Variants in SEMA3E observed in about 807,000 individuals in gnomAD.
The protein encoded by SEMA3E is semaphorin-3E.
A neutral mutation model predicts 93.6 loss-of-function variants in SEMA3E; 49 were observed. The observed-to-expected ratio is 0.52, with a 90% CI of 0.42 to 0.66. SEMA3E has a LOEUF of 0.66. Ranked by LOEUF, SEMA3E falls within the 30% of genes least tolerant of loss-of-function variation. SEMA3E has a pLI of 0.00. For missense variants in SEMA3E, 906 were observed against 964.8 expected (o/e 0.94, Z 0.81); for synonymous variants, 363 against 330.7 (o/e 1.10, Z -1.06).
chr7:83,405,856 A>C, intron 8 of SEMA3E, 89 bp downstream of exon 8: 1 of 1,052,884 alleles, frequency 9.5e-7, no homozygotes, highest in South Asian at 1.3e-5. Context: ...TCAAATACAC[A>C]GAAAGCAAGT....
At chr7:83,492,166 A>G (rs924934678) in intron 1 of SEMA3E, among the ~76,000 whole-genome samples, 1 of 152,010 alleles carries the variant, frequency 6.6e-6, no homozygotes, top group Admixed American at 6.6e-5. Context: ...TTCCTAGACT[A>G]CAGAGCTACC....
intron 1 of SEMA3E, among the ~76,000 whole-genome samples, chr7:83,560,950 C>T (rs1360862353): frequency 6.6e-6 from 1 of 151,826 alleles, no homozygotes; most frequent in Non-Finnish European, 1.5e-5. Context: ...CTTTCCAAAG[C>T]ATAGTTTAAA....
chr7:83,444,997 CATG>C (rs1207888814), intron 4 of SEMA3E, among the ~76,000 whole-genome samples: 1 of 151,878 alleles, frequency 6.6e-6, no homozygotes, highest in Non-Finnish European at 1.5e-5. Context: ...ATGGGGAAAA[CATG>C]GTCCTAAAAA....
intron 1 of SEMA3E, among the ~76,000 whole-genome samples, chr7:83,547,057 A>T (rs954256975): frequency 1.3e-5 from 2 of 152,134 alleles, no homozygotes; most frequent in African/African-American, 4.8e-5. Context: ...TGTCTTTCCT[A>T]AAATGTCAAC....
intron 16 of SEMA3E, chr7:83,372,373 A>T: frequency 2.5e-6 from 1 of 397,456 alleles, no homozygotes; most frequent in East Asian, 3.6e-5. Context: ...TGAATAATAC[A>T]TGAGAAAATA....
At chr7:83,404,883 A>G (rs886584274) in intron 9 of SEMA3E, among the ~76,000 whole-genome samples, 1 of 151,914 alleles carries the variant, frequency 6.6e-6, no homozygotes, top group African/African-American at 2.4e-5. Context: ...GTTGGAGGAG[A>G]AAGTTTTTTC....
intron 4 of SEMA3E, among the ~76,000 whole-genome samples, chr7:83,459,719 G>A (rs892059413): frequency 1.3e-4 from 20 of 152,104 alleles, no homozygotes; most frequent in Non-Finnish European, 2.8e-4. Context: ...TGACTTGCAC[G>A]TATTCGCCCA....
intron 1 of SEMA3E, among the ~76,000 whole-genome samples, chr7:83,566,549 C>T (rs553347875): frequency 1.3e-5 from 2 of 152,194 alleles, no homozygotes; most frequent in East Asian, 3.9e-4. Context: ...TAGTGAAATA[C>T]TTGTTTACTT....
intron 1 of SEMA3E, among the ~76,000 whole-genome samples, chr7:83,547,224 T>C (rs937742017): frequency 6.6e-6 from 1 of 152,146 alleles, no homozygotes; most frequent in Non-Finnish European, 1.5e-5. Flanking sequence ...CTTTATGAAG[T>C]AATATTTTAA....
At position 83,405,997 on chromosome 7, in the gene SEMA3E, G is replaced by A. The variant is rs781576539; in HGVS notation, c.876C>T (p.Leu292=). ...NKWSTFLKAR[L]VCSVPGMNGI... is the part of the protein sequence containing the mutation. ...CATTCATTCCTGGTACTGAGCAAACGAGTCTCGCTTTTAGGAAAGTGCTCC... is the reference window on the plus strand; with the variant it reads ...CATTCATTCCTGGTACTGAGCAAACAAGTCTCGCTTTTAGGAAAGTGCTCC... Residue 292 remains leucine, a synonymous_variant, in exon 8 of 17, where the codon CTC becomes CTT. Transcript: ENST00000643230. 27 of 1,613,264 alleles carry A rather than the reference G, an allele frequency of 1.7e-5. No homozygotes were observed. The highest frequency in any genetic ancestry group is 2.2e-5 in the South Asian group (2 of 91,054).
intron 2 of SEMA3E, among the ~76,000 whole-genome samples, chr7:83,472,823 C>T (rs910251921): frequency 6.6e-6 from 1 of 152,104 alleles, no homozygotes; most frequent in South Asian, 2.1e-4. Flanking sequence ...TCATGGAGGC[C>T]GTTTCCCCCA....
At chr7:83,387,707 T>G (rs1787907641) in intron 14 of SEMA3E, among the ~76,000 whole-genome samples, 1 of 151,362 alleles carries the variant, frequency 6.6e-6, no homozygotes, top group African/African-American at 2.4e-5. Flanking sequence ...CCCCTCAATC[T>G]GCCTCGTATA....
Position 83,392,664 on chromosome 7 carries a change from C to T in SEMA3E, c.1558G>A (p.Asp520Asn). The change falls in exon 14 of 17, where the codon GAC becomes AAC. Residue 520 changes from aspartate (D) to asparagine (N), a missense_variant. Physicochemically the swap from Asp to Asn is conservative, Grantham distance 23 (BLOSUM62 1). Transcript: ENST00000643230. ...TCAGCACAAGCACTTCCATACATGT[C>T]ACAGTGATGGAATCTGACTTGAGCC... is the stretch of plus-strand genomic sequence containing the variant. Reference protein sequence around the residue: ...AVAQVRFHHCDMYGSACADCC... With the variant: ...AVAQVRFHHCNMYGSACADCC... 1 of 1,613,776 alleles carries T rather than the reference C, an allele frequency of 6.2e-7. No homozygotes were observed. Among genetic ancestry groups the T allele is most frequent in the Non-Finnish European group, 8.5e-7 (1 of 1,179,804 alleles).
intron 16 of SEMA3E, among the ~76,000 whole-genome samples, chr7:83,368,928 A>C (rs540990087): frequency 6.6e-6 from 1 of 152,310 alleles, no homozygotes; most frequent in Admixed American, 6.5e-5. Flanking sequence ...TAGGGCATTC[A>C]TGTATGTTTC....
At chr7:83,478,184 A>G (rs2115928668) in intron 2 of SEMA3E, among the ~76,000 whole-genome samples, 1 of 152,304 alleles carries the variant, frequency 6.6e-6, no homozygotes, top group African/African-American at 2.4e-5. Context: ...TGGTCCCCCA[A>G]AGTGGTGGAA....
At chr7:83,529,791 C>T (rs1361463158) in intron 1 of SEMA3E, among the ~76,000 whole-genome samples, 1 of 152,116 alleles carries the variant, frequency 6.6e-6, no homozygotes, top group African/African-American at 2.4e-5. Context: ...CTAATTGGGT[C>T]AAGCATTTAG....
At chr7:83,410,648 G>A (rs1015859259) in intron 5 of SEMA3E, among the ~76,000 whole-genome samples, 7 of 152,016 alleles carry the variant, frequency 4.6e-5, no homozygotes, top group African/African-American at 1.7e-4. Flanking sequence ...GCATTCAGTG[G>A]TTAGGAATAT....
intron 1 of SEMA3E, among the ~76,000 whole-genome samples, chr7:83,611,546 C>T (rs1232264846): frequency 6.6e-6 from 1 of 151,242 alleles, no homozygotes; most frequent in East Asian, 1.9e-4. Flanking sequence ...CAGCCTTCCC[C>T]ATCAGGAAAT....
chr7:83,475,775 T>C (rs1220968486), intron 2 of SEMA3E, among the ~76,000 whole-genome samples: 1 of 152,158 alleles, frequency 6.6e-6, no homozygotes, highest in Admixed American at 6.5e-5. Flanking sequence ...CCTTCACAGT[T>C]TTTGTCACAA....
Sources: gnomAD v4.1 joint callset for allele counts (sites outside exome capture counted in the v4.1 genomes callset) on GRCh38, gnomAD v4.1.1 for gene constraint, MANE v1.5 for transcripts, NCBI Gene and HGNC (gene_info 2026-07-23, HGNC 2026-07-21) for gene names.